The following TLN2 variants were observed in gnomAD, a reference collection of about 807,000 sequenced individuals.
TLN2 encodes the protein talin-2.
TLN2 carries 118 observed loss-of-function variants against 294.7 expected under a neutral mutation model. The ratio of observed to expected loss-of-function variants is 0.40; its 90% CI spans 0.34 to 0.47. TLN2 has a LOEUF of 0.47. TLN2 is among the 20% of genes least tolerant of loss of function. The pLI is 0.84. For synonymous variants in TLN2, 1,431 were observed against 1,304.5 expected (o/e 1.10, Z -2.09); for missense variants, 3,083 against 3,282.2 (o/e 0.94, Z 1.48).
intron 19 of TLN2, among the ~76,000 whole-genome samples, chr15:62,705,184 G>T (rs1265177837): frequency 6.6e-6 from 1 of 152,208 alleles, no homozygotes; most frequent in Non-Finnish European, 1.5e-5. Context: ...CAGTCCTACA[G>T]AGCCTTTGTT....
chr15:62,705,346 G>A (rs954945752), intron 19 of TLN2, among the ~76,000 whole-genome samples: 3 of 152,324 alleles, frequency 2.0e-5, no homozygotes, highest in Non-Finnish European at 2.9e-5. Flanking sequence ...TCATATCTCA[G>A]AGCTTTTCTT....
chr15:62,786,997 C>T (rs913532414), intron 45 of TLN2, among the ~76,000 whole-genome samples: 1 of 152,066 alleles, frequency 6.6e-6, no homozygotes, highest in African/African-American at 2.4e-5. Context: ...AGCTCTGTCC[C>T]AGTCTTAAGC....
chr15:62,428,227 A>T (rs2034822806), intron 1 of TLN2, among the ~76,000 whole-genome samples: 1 of 152,208 alleles, frequency 6.6e-6, no homozygotes, highest in Non-Finnish European at 1.5e-5. Flanking sequence ...AATTAGGTGG[A>T]AGAGTAATGG....
chr15:62,479,467 T>G (rs1160611778), intron 1 of TLN2, among the ~76,000 whole-genome samples: 2 of 152,264 alleles, frequency 1.3e-5, no homozygotes, highest in Admixed American at 6.5e-5. Context: ...TGAAGCAGAC[T>G]TCTTTGTCTT....
At chr15:62,701,865 C>A in intron 17 of TLN2, 127 bp from the exon 18 acceptor site, 3 of 1,072,076 alleles carry the variant, frequency 2.8e-6, no homozygotes, top group African/African-American at 1.6e-5. Context: ...TCACTGTGCT[C>A]ATGTGAAGCT....
intron 11 of TLN2, among the ~76,000 whole-genome samples, chr15:62,678,223 CATTTT>C (rs1343040205): frequency 2.6e-5 from 4 of 152,114 alleles, no homozygotes; most frequent in East Asian, 1.9e-4. Flanking sequence ...ATTAGTATGA[CATTTT>C]ATTTTATAAT....
chr15:62,537,848 T>C (rs1301388123), intron 1 of TLN2, among the ~76,000 whole-genome samples: 4 of 152,148 alleles, frequency 2.6e-5, no homozygotes, highest in Admixed American at 6.5e-5. Context: ...TCCTTTCCTT[T>C]TGATAGTGTT....
intron 1 of TLN2, among the ~76,000 whole-genome samples, chr15:62,550,005 G>T (rs956005796): frequency 6.6e-6 from 1 of 152,138 alleles, no homozygotes; most frequent in African/African-American, 2.4e-5. Flanking sequence ...TGGTTCTGAT[G>T]ATGGTGATCC....
At chr15:62,570,054 C>G (rs528800137) in intron 1 of TLN2, among the ~76,000 whole-genome samples, 74 of 152,276 alleles carry the variant, frequency 4.9e-4, no homozygotes, top group African/African-American at 1.7e-3. Context: ...TTTGCTTTCC[C>G]TTATGCCAGC....
intron 52 of TLN2, among the ~76,000 whole-genome samples, chr15:62,815,684 C>G (rs939174701): frequency 1.3e-5 from 2 of 152,066 alleles, no homozygotes; most frequent in African/African-American, 2.4e-5. Flanking sequence ...GATTCTTAGG[C>G]TTTTTTGGCT....
intron 4 of TLN2, among the ~76,000 whole-genome samples, chr15:62,648,447 ACATCACAAGGGTAATT>A (rs2052174647): frequency 6.6e-6 from 1 of 151,008 alleles, no homozygotes; most frequent in African/African-American, 2.4e-5. Flanking sequence ...TAAAAATCAA[ACATCACAAGGGTAATT>A]ATAAATACAA....
At chr15:62,722,600 C>T in intron 26 of TLN2, 113 bp downstream of exon 26, 4 of 1,317,298 alleles carry the variant, frequency 3.0e-6, no homozygotes, top group Non-Finnish European at 4.0e-6. Flanking sequence ...GTTGTCCATT[C>T]TACTTGCATG....
At chr15:62,471,332 G>A (rs1480370640) in intron 1 of TLN2, among the ~76,000 whole-genome samples, 4 of 152,186 alleles carry the variant, frequency 2.6e-5, no homozygotes, top group Non-Finnish European at 5.9e-5. Flanking sequence ...GCAACAGAAC[G>A]TGATCCTTCC....
At chr15:62,773,792 A>G (rs138129446) in intron 42 of TLN2, among the ~76,000 whole-genome samples, 3 of 152,316 alleles carry the variant, frequency 2.0e-5, no homozygotes, top group Non-Finnish European at 4.4e-5. Flanking sequence ...TTCTGCACCT[A>G]AACAATGAAG....
At chr15:62,636,249 AATAG>A (rs57713976) in intron 3 of TLN2, among the ~76,000 whole-genome samples, 74,690 of 149,956 alleles carry the variant, frequency 0.5, 18,875 homozygotes, top group Middle Eastern at 0.57. Flanking sequence ...GGGATACTGT[AATAG>A]ATAGATAGAT....
intron 19 of TLN2, among the ~76,000 whole-genome samples, chr15:62,705,411 G>C (rs1313562942): frequency 2.3e-4 from 35 of 152,102 alleles, no homozygotes; most frequent in Admixed American, 2.3e-3. Flanking sequence ...TTTTACACTG[G>C]CTATATAATA....
intron 57 of TLN2, among the ~76,000 whole-genome samples, chr15:62,836,900 C>T (rs144602912): frequency 6.6e-6 from 1 of 152,166 alleles, no homozygotes; most frequent in Non-Finnish European, 1.5e-5. Flanking sequence ...TGTAATTTTT[C>T]CTTGAAGATA....
intron 45 of TLN2, among the ~76,000 whole-genome samples, chr15:62,790,483 C>G (rs940950820): frequency 6.6e-6 from 1 of 152,196 alleles, no homozygotes; most frequent in Non-Finnish European, 1.5e-5. Context: ...TTAGGCAAAT[C>G]ACATCACTTC....
chr15:62,444,124 C>T (rs889824760), intron 1 of TLN2, among the ~76,000 whole-genome samples: 5 of 152,140 alleles, frequency 3.3e-5, no homozygotes, highest in South Asian at 2.1e-4. Flanking sequence ...GGGGTGGAGC[C>T]GTTTGAACCT....
Sources: gnomAD v4.1 joint callset for allele counts (sites outside exome capture counted in the v4.1 genomes callset) on GRCh38, gnomAD v4.1.1 for gene constraint, MANE v1.5 for transcripts, NCBI Gene and HGNC (gene_info 2026-07-23, HGNC 2026-07-21) for gene names.